The following DOK6 variants were observed in gnomAD, a reference collection of about 807,000 sequenced individuals.
DOK6 encodes the protein docking protein 6, also known as downstream of tyrosine kinase 6.
Under a neutral mutation model 44.0 loss-of-function variants are expected in DOK6, and 22 were observed. That is an observed-to-expected ratio of 0.50 (90% CI 0.36 to 0.71). DOK6 has a LOEUF of 0.71. Among genes scored for constraint, DOK6 ranks in the 30% least tolerant of loss-of-function variants. DOK6 has a pLI of 0.00. For synonymous variants in DOK6, 166 were observed against 145.5 expected (o/e 1.14, Z -1.01); for missense variants, 340 against 416.4 (o/e 0.82, Z 1.60).
intron 7 of DOK6, among the ~76,000 whole-genome samples, chr18:69,785,999 G>A (rs1980416749): frequency 6.6e-6 from 1 of 152,112 alleles, no homozygotes. Context: ...TAGAATTGGG[G>A]AAGTTATACT....
At chr18:69,697,180 G>A (rs979477051) in intron 4 of DOK6, among the ~76,000 whole-genome samples, 15 of 152,084 alleles carry the variant, frequency 9.9e-5, no homozygotes, top group East Asian at 1.9e-4. Flanking sequence ...ATCTGCCAGA[G>A]AGAAGAATCT....
At chr18:69,764,434 T>C (rs1251631346) in intron 7 of DOK6, among the ~76,000 whole-genome samples, 4 of 152,142 alleles carry the variant, frequency 2.6e-5, no homozygotes, top group Non-Finnish European at 5.9e-5. Context: ...TGGGCGGTCA[T>C]TAGGTAACGG....
intron 1 of DOK6, among the ~76,000 whole-genome samples, chr18:69,552,732 G>C (rs2144589637): frequency 6.6e-6 from 1 of 152,312 alleles, no homozygotes; most frequent in East Asian, 1.9e-4. Flanking sequence ...AGACAAGGAT[G>C]GCAGGTGTTC....
chr18:69,516,748 T>C (rs1238837701), intron 1 of DOK6, among the ~76,000 whole-genome samples: 1 of 151,982 alleles, frequency 6.6e-6, no homozygotes, highest in Admixed American at 6.6e-5. Context: ...CGATCTTGGC[T>C]CATTGCAACC....
intron 2 of DOK6, among the ~76,000 whole-genome samples, chr18:69,566,694 G>A (rs929510419): frequency 1.4e-4 from 22 of 152,160 alleles, no homozygotes; most frequent in Admixed American, 1.3e-3. Context: ...TGGAAAAGAC[G>A]CAAATACACA....
intron 3 of DOK6, among the ~76,000 whole-genome samples, chr18:69,671,640 G>A (rs1196269472): frequency 6.6e-6 from 1 of 152,100 alleles, no homozygotes; most frequent in African/African-American, 2.4e-5. Flanking sequence ...GTCAGGTAGT[G>A]CTCTGTTTCT....
intron 1 of DOK6, among the ~76,000 whole-genome samples, chr18:69,486,140 T>G (rs1355947540): frequency 2.6e-5 from 4 of 151,934 alleles, no homozygotes; most frequent in Non-Finnish European, 1.5e-5. Context: ...TACTCATTAT[T>G]ATTATAAGTA....
chr18:69,750,001 T>C (rs1979121786), intron 6 of DOK6, among the ~76,000 whole-genome samples: 1 of 148,654 alleles, frequency 6.7e-6, no homozygotes, highest in Admixed American at 6.7e-5. Flanking sequence ...GATATAAAAG[T>C]GTAGAATACT....
intron 3 of DOK6, among the ~76,000 whole-genome samples, chr18:69,664,469 T>C (rs1985606302): frequency 6.6e-6 from 1 of 152,234 alleles, no homozygotes; most frequent in South Asian, 2.1e-4. Flanking sequence ...CAATAATTAT[T>C]TGTATTTCAA....
intron 5 of DOK6, among the ~76,000 whole-genome samples, chr18:69,720,888 C>G (rs937008873): frequency 6.6e-6 from 1 of 152,050 alleles, no homozygotes; most frequent in Non-Finnish European, 1.5e-5. Flanking sequence ...TATATGGATT[C>G]CTACATAGAA....
At chr18:69,776,759 G>C (rs1980079220) in intron 7 of DOK6, among the ~76,000 whole-genome samples, 2 of 151,984 alleles carry the variant, frequency 1.3e-5, no homozygotes, top group African/African-American at 2.4e-5. Flanking sequence ...AAAATTCTGA[G>C]ATGATCTCTA....
At chr18:69,512,922 G>A (rs1189844784) in intron 1 of DOK6, among the ~76,000 whole-genome samples, 1 of 151,994 alleles carries the variant, frequency 6.6e-6, no homozygotes, top group African/African-American at 2.4e-5. Context: ...TTTAAAATCT[G>A]GTATTCCAGA....
At chr18:69,804,502 CAG>C (rs1202153055) in intron 7 of DOK6, among the ~76,000 whole-genome samples, 14 of 152,098 alleles carry the variant, frequency 9.2e-5, no homozygotes, top group African/African-American at 3.1e-4. Flanking sequence ...CAATTAGAAA[CAG>C]AGATACTTTC....
At chr18:69,675,200 C>T (rs1188398320) in intron 3 of DOK6, among the ~76,000 whole-genome samples, 1 of 152,130 alleles carries the variant, frequency 6.6e-6, no homozygotes, top group East Asian at 1.9e-4. Flanking sequence ...AAAGAGTCCA[C>T]TCCAGTTTCA....
intron 5 of DOK6, among the ~76,000 whole-genome samples, chr18:69,705,912 T>C (rs561880835): frequency 2.1e-5 from 2 of 95,286 alleles, no homozygotes; most frequent in South Asian, 9.9e-4. Context: ...TCTCCATAAA[T>C]GTGATTAAAA....
intron 2 of DOK6, among the ~76,000 whole-genome samples, chr18:69,571,020 C>T (rs185467001): frequency 1.3e-5 from 2 of 151,974 alleles, no homozygotes; most frequent in East Asian, 3.9e-4. Flanking sequence ...AAAATACTAA[C>T]TTTGTCATTA....
chr18:69,605,665 G>A (rs1983977725), intron 3 of DOK6, among the ~76,000 whole-genome samples: 1 of 151,922 alleles, frequency 6.6e-6, no homozygotes, highest in South Asian at 2.1e-4. Context: ...TATTGTCACA[G>A]AAAAAGTATT....
intron 1 of DOK6, among the ~76,000 whole-genome samples, chr18:69,410,349 C>T (rs1267922601): frequency 6.6e-6 from 1 of 152,184 alleles, no homozygotes; most frequent in Non-Finnish European, 1.5e-5. Flanking sequence ...TTAGAGTTCC[C>T]TCAAGTGCTT....
chr18:69,435,025 G>GGGAGGGAAGGAAGGAA (rs1978926067), intron 1 of DOK6, among the ~76,000 whole-genome samples: 1 of 72,266 alleles, frequency 1.4e-5, no homozygotes, highest in African/African-American at 5.2e-5. Flanking sequence ...TAGGGAGGGA[G>GGGAGGGAAGGAAGGAA]GGAAGGAAGG....
Sources: gnomAD v4.1 joint callset for allele counts (sites outside exome capture counted in the v4.1 genomes callset) on GRCh38, gnomAD v4.1.1 for gene constraint, MANE v1.5 for transcripts, NCBI Gene and HGNC (gene_info 2026-07-23, HGNC 2026-07-21) for gene names.